ECE1: variants seen among roughly 807,000 people sequenced by gnomAD.
ECE1 encodes the protein endothelin-converting enzyme 1.
ECE1 carries 35 observed loss-of-function variants against 98.6 expected under a neutral mutation model. The observed-to-expected ratio is 0.35, with a 90% CI of 0.27 to 0.47. The LOEUF is 0.47. Ranked by LOEUF, ECE1 falls within the 20% of genes least tolerant of loss-of-function variation. The probability of loss-of-function intolerance (pLI) is 1.00; values close to 1 mark genes in which losing one functional copy is unlikely to be tolerated. For missense variants in ECE1, 814 were observed against 1,025.3 expected (o/e 0.79, Z 2.81); for synonymous variants, 394 against 407.1 (o/e 0.97, Z 0.39).
intron 11 of ECE1, among the ~76,000 whole-genome samples, chr1:21,237,753 C>T (rs1034793231): frequency 2.6e-5 from 4 of 152,184 alleles, no homozygotes; most frequent in Non-Finnish European, 5.9e-5. Context: ...TCTGCCATGG[C>T]ACTCCTCTGC....
At chr1:21,247,175 G>C (rs1189985772) in intron 9 of ECE1, 46 bp downstream of exon 9, 1 of 1,613,558 alleles carries the variant, frequency 6.2e-7, no homozygotes, top group Non-Finnish European at 8.5e-7. Context: ...CCAAGAAGAG[G>C]GCTGTCTGTG....
intron 17 of ECE1, among the ~76,000 whole-genome samples, chr1:21,223,727 G>C (rs1040060634): frequency 6.6e-6 from 1 of 152,064 alleles, no homozygotes; most frequent in African/African-American, 2.4e-5. Flanking sequence ...GCCTCCCAAG[G>C]TGCTGGGATT....
Position 21,260,229 on chromosome 1 carries a change from G to C in ECE1, c.615+42C>G. On this transcript the variant is annotated intron_variant, in intron 5 of 18. Coordinates refer to ENST00000374893, the MANE Select transcript of ECE1 (RefSeq NM_001397.3). The surrounding 1 kb of genome is among the most constrained non-coding windows in gnomAD (Gnocchi z 4.3). ...GTGGAAGCCAGGGGGCGGGCAGGTG[G>C]CATGGGCCGGGGCTTGGGGAGGGAG... is the stretch of plus-strand genomic sequence containing the variant. 6.2e-7 allele frequency: 1 copy of C among 1,614,042 alleles called. No individual in the cohort carries two copies. The highest frequency in any genetic ancestry group is 8.5e-7 in the Non-Finnish European group (1 of 1,179,942).
chr1:21,257,856 T>C (rs538388457), intron 6 of ECE1, among the ~76,000 whole-genome samples: 7 of 152,190 alleles, frequency 4.6e-5, no homozygotes, highest in Non-Finnish European at 1.0e-4. Flanking sequence ...AAACAGCTAC[T>C]TGCCTCGGCA....
chr1:21,267,857 C>T (rs989164034), intron 4 of ECE1, among the ~76,000 whole-genome samples: 7 of 152,224 alleles, frequency 4.6e-5, no homozygotes, highest in East Asian at 3.9e-4. Context: ...AATAAAAATA[C>T]GAGCGATGTC....
intron 2 of ECE1, chr1:21,279,941 T>G: frequency 6.3e-6 from 1 of 159,250 alleles, no homozygotes; most frequent in Non-Finnish European, 1.4e-5. Context: ...CCAAAGCTGT[T>G]GATGCCCGAG....
At position 21,235,001 on chromosome 1, in the gene ECE1, T is replaced by C. The variant is rs1307070859; in HGVS notation, c.1566+849A>G. On this transcript the variant is annotated intron_variant, in intron 13 of 18. Transcript: ENST00000374893. This position sits in a 1 kb window ranked among gnomAD's most constrained non-coding sequence, Gnocchi z 4.2. The stretch of plus-strand genomic sequence containing the variant: ...TAGTCTTAGGTTCTAAATATAACCA[T>C]GACGAGAGGTTATTAGATTTTTAAA... Among the ~76,000 whole-genome samples the C allele has an allele frequency of 1.3e-5, 2 of 152,152 alleles. No homozygotes were observed. The highest frequency in any genetic ancestry group is 4.8e-5 in the African/African-American group (2 of 41,442).
intron 1 of ECE1, among the ~76,000 whole-genome samples, chr1:21,332,425 C>A (rs1437325920): frequency 2.0e-5 from 3 of 151,370 alleles, no homozygotes; most frequent in African/African-American, 4.9e-5. Flanking sequence ...CTTATTTAAA[C>A]AACTCTCTAA....
chr1:21,227,981 C>T lies in ECE1; in HGVS notation c.1731G>A (p.Val577=), dbSNP rs758012097. ...AYYSPTKNEI[V]FPAGILQAPF... Reference sequence around the variant, plus strand: ...GTGCCTGCAGGATCCCGGCCGGAAACACAATCTCATTCTTGGTGGGCGAGT... The same window carrying T: ...GTGCCTGCAGGATCCCGGCCGGAAATACAATCTCATTCTTGGTGGGCGAGT... The change falls in exon 15 of 19, where the codon GTG becomes GTA. Residue 577 remains valine (V), a synonymous_variant. Transcript: ENST00000374893. 3.2e-6 allele frequency: 5 copies of T among 1,563,886 alleles called. No individual in the cohort carries two copies. In the South Asian group the frequency reaches 5.9e-5, roughly 18 times the overall value.
intron 2 of ECE1, among the ~76,000 whole-genome samples, chr1:21,289,859 G>C (rs1210385316): frequency 1.3e-5 from 2 of 152,008 alleles, no homozygotes; most frequent in Non-Finnish European, 2.9e-5. Context: ...AGGGATGGCG[G>C]GGGCAGGTGA....
intron 1 of ECE1, among the ~76,000 whole-genome samples, chr1:21,343,822 T>C (rs1037839616): frequency 6.6e-6 from 1 of 152,116 alleles, no homozygotes; most frequent in Non-Finnish European, 1.5e-5. Context: ...CTTTTTTTGG[T>C]GGTTTTTAAG....
intron 1 of ECE1, among the ~76,000 whole-genome samples, chr1:21,308,392 A>G (rs1638643440): frequency 6.6e-6 from 1 of 152,018 alleles, no homozygotes. Context: ...GATCCTCCCC[A>G]CAAACGGCAA....
chr1:21,305,194 G>A (rs779400554), intron 1 of ECE1, among the ~76,000 whole-genome samples: 14 of 152,268 alleles, frequency 9.2e-5, no homozygotes, highest in African/African-American at 1.7e-4. Context: ...GACACAGGCC[G>A]TTTCTATCAT....
At chr1:21,276,936 C>G (rs543107395) in intron 3 of ECE1, among the ~76,000 whole-genome samples, 2 of 152,156 alleles carry the variant, frequency 1.3e-5, no homozygotes, top group South Asian at 4.2e-4. Context: ...AGGCTGGTCT[C>G]GAACATCTTG....
At chr1:21,238,696 C>A (rs992048651) in intron 10 of ECE1, among the ~76,000 whole-genome samples, 1 of 152,178 alleles carries the variant, frequency 6.6e-6, no homozygotes, top group Admixed American at 6.5e-5. Context: ...AGGCAAAGAG[C>A]GGTGGAGAGT....
chr1:21,227,246 G>A lies in ECE1; in HGVS notation c.1782-20C>T, dbSNP rs768232414. ...AAGGCCCTGGAGGGAAAGACACAAA[G>A]GTAGAGATGATGCTTTGAGAGGAGG... On this transcript the variant is annotated intron_variant, in intron 15 of 18. Coordinates refer to ENST00000374893, the MANE Select transcript of ECE1 (RefSeq NM_001397.3). The A allele has an allele frequency of 5.6e-6, 9 of 1,612,492 alleles. No individual in the cohort carries two copies. The highest frequency in any genetic ancestry group is 5.9e-6 in the Non-Finnish European group (7 of 1,178,548).
In ECE1 at chr1:21,227,357, G is replaced by A. The variant is rs2098175688; in HGVS notation, c.1782-131C>T. 5.3e-6 allele frequency: 5 copies of A among 946,928 alleles called. No individual in the cohort carries two copies. In the South Asian group the frequency reaches 5.3e-5, roughly 10 times the overall value. 58.7% of individuals were successfully genotyped at this position (946,928 alleles called of 1,614,324 possible). Reference sequence around the variant, plus strand: ...TTCCACAGGGCTCTGTGTGGATAAGGGTGTGGTCATGGCCTGAGTCTCCAG... The same window carrying A: ...TTCCACAGGGCTCTGTGTGGATAAGAGTGTGGTCATGGCCTGAGTCTCCAG... On this transcript the variant is annotated intron_variant, in intron 15 of 18. Transcript: ENST00000374893.
chr1:21,326,274 G>A (rs1255853861), intron 1 of ECE1, among the ~76,000 whole-genome samples: 1 of 152,158 alleles, frequency 6.6e-6, no homozygotes, highest in Non-Finnish European at 1.5e-5. Context: ...GGGAGAAGGG[G>A]TGGCAGGATC....
At chr1:21,244,096 C>T (rs1393872510) in intron 10 of ECE1, among the ~76,000 whole-genome samples, 1 of 152,148 alleles carries the variant, frequency 6.6e-6, no homozygotes, top group Non-Finnish European at 1.5e-5. Context: ...GGAGTCAGCT[C>T]TGCCTCCTCT....
Sources: gnomAD v4.1 joint callset for allele counts (sites outside exome capture counted in the v4.1 genomes callset) on GRCh38, gnomAD v4.1.1 for gene constraint, Gnocchi (gnomAD v3.1) non-coding constraint, MANE v1.5 for transcripts, NCBI Gene and HGNC (gene_info 2026-07-23, HGNC 2026-07-21) for gene names.